The following ATP13A3 variants were observed in gnomAD, a reference collection of about 807,000 sequenced individuals.
ATP13A3 encodes ATPase 13A3.
A neutral mutation model predicts 158.1 loss-of-function variants in ATP13A3; 59 were observed. The observed-to-expected ratio is 0.37, with a 90% confidence interval of 0.30 to 0.46. ATP13A3 has a LOEUF of 0.46. Ranked by LOEUF, ATP13A3 falls within the 20% of genes least tolerant of loss-of-function variation. The pLI, the probability that ATP13A3 is intolerant of heterozygous loss-of-function variation, is 1.00. For missense variants in ATP13A3, 1,166 were observed against 1,525.2 expected, an observed-to-expected ratio of 0.76 and a Z score of 3.92; for synonymous variants, 491 against 504.3, an observed-to-expected ratio of 0.97 and a Z score of 0.35.
intron 15 of ATP13A3, among the ~76,000 whole-genome samples, chr3:194,442,954 C>T (rs1718150422): frequency 6.6e-6 from 1 of 151,752 alleles, no homozygotes; most frequent in Admixed American, 6.6e-5. Context: ...TGTATAGTTA[C>T]ACTACCACCC....
intron 30 of ATP13A3, among the ~76,000 whole-genome samples, chr3:194,422,300 A>G (rs538738726): frequency 2.6e-5 from 4 of 152,348 alleles, no homozygotes; most frequent in African/African-American, 9.6e-5. Flanking sequence ...CTATGCTCTC[A>G]GCTCCTAGAT....
At chr3:194,443,276 T>C (rs571340102) in intron 15 of ATP13A3, among the ~76,000 whole-genome samples, 49 of 150,928 alleles carry the variant, frequency 3.2e-4, no homozygotes, top group African/African-American at 1.1e-3. Flanking sequence ...GGCAGGGGAG[T>C]GGTTAAAAGG....
chr3:194,430,076 T>TAA lies in ATP13A3; in HGVS notation c.2771_2772dup (p.Ile925LeufsTer9). 1 of 1,612,618 alleles carries TAA rather than the reference T, an allele frequency of 6.2e-7. No individual in the cohort carries two copies. Among genetic ancestry groups the TAA allele is most frequent in the Non-Finnish European group, 8.5e-7 (1 of 1,179,192 alleles). On this transcript the variant is annotated frameshift_variant, in exon 26 of 34. Coordinates refer to ENST00000645319, the MANE Select transcript of ATP13A3 (RefSeq NM_001367549.1). LOFTEE classifies it high-confidence loss of function. ...AAAAATTTTAATTTGTACTACCTGA[T>TAA]AAGGTTTGGCACACAGGAAATACTA...
intron 31 of ATP13A3, among the ~76,000 whole-genome samples, chr3:194,417,617 A>G (rs1210045952): frequency 1.3e-5 from 2 of 152,000 alleles, no homozygotes; most frequent in African/African-American, 4.8e-5. Context: ...CAAAATATGG[A>G]GTCCCTAAAA....
chr3:194,459,536 A>T lies in ATP13A3; in HGVS notation c.414T>A (p.Arg138=). The change falls in exon 6 of 34, where the codon CGT becomes CGA. Residue 138 remains arginine (R), a synonymous_variant. Coordinates refer to ENST00000645319, the MANE Select transcript of ATP13A3 (RefSeq NM_001367549.1). ...KYSQTESQQI[R]YFTHHSVKYF... Reference sequence around the variant, plus strand: ...ATTTTACACTATGGTGGGTGAAATAACGAATCTGTGGAACACAAATAAACG... The same window carrying T: ...ATTTTACACTATGGTGGGTGAAATATCGAATCTGTGGAACACAAATAAACG... 1 of 1,603,708 alleles carries T rather than the reference A, an allele frequency of 6.2e-7. No individual in the cohort carries two copies. The highest frequency in any genetic ancestry group is 1.3e-5 in the African/African-American group (1 of 74,724).
chr3:194,486,228 C>T (rs1425920134), intron 1 of ATP13A3, among the ~76,000 whole-genome samples: 1 of 151,674 alleles, frequency 6.6e-6, no homozygotes, highest in Non-Finnish European at 1.5e-5. Flanking sequence ...TAGGGTCCCG[C>T]ACAGACTCAT....
At chr3:194,410,935 G>GGGGTGTGT (rs1715367524) in intron 33 of ATP13A3, among the ~76,000 whole-genome samples, 1 of 121,308 alleles carries the variant, frequency 8.2e-6, no homozygotes, top group Non-Finnish European at 1.7e-5. Context: ...TTGGGGTGTT[G>GGGGTGTGT]GGGTGTGTGT....
At chr3:194,465,238 A>G (rs1276746726) in intron 2 of ATP13A3, among the ~76,000 whole-genome samples, 1 of 152,222 alleles carries the variant, frequency 6.6e-6, no homozygotes, top group East Asian at 1.9e-4. Context: ...CAGGGAACTC[A>G]GAGGGAGCCC....
chr3:194,423,883 T>G (rs532316923), intron 30 of ATP13A3, among the ~76,000 whole-genome samples: 80 of 149,148 alleles, frequency 5.4e-4, no homozygotes, highest in African/African-American at 1.9e-3. Flanking sequence ...TAAAATTAAC[T>G]TTCTTGATAG....
At chr3:194,492,006 A>G (rs1374368988) in intron 2 of ATP13A3, among the ~76,000 whole-genome samples, 1 of 152,054 alleles carries the variant, frequency 6.6e-6, no homozygotes, top group African/African-American at 2.4e-5. Flanking sequence ...AGTTTATGTG[A>G]CTTCAAGCAG....
At chr3:194,438,362 T>C (rs1464277397) in intron 17 of ATP13A3, among the ~76,000 whole-genome samples, 1 of 152,200 alleles carries the variant, frequency 6.6e-6, no homozygotes, top group African/African-American at 2.4e-5. Context: ...AAGGGGAATA[T>C]ATTTAAAAAT....
chr3:194,409,926 T>C (rs1411964316), intron 33 of ATP13A3, among the ~76,000 whole-genome samples: 2 of 151,830 alleles, frequency 1.3e-5, no homozygotes, highest in African/African-American at 4.8e-5. Flanking sequence ...AGAATGAAAG[T>C]ATGTCACTTT....
chr3:194,413,702 A>G, intron 32 of ATP13A3, 57 bp downstream of exon 32: 1 of 1,452,248 alleles, frequency 6.9e-7, no homozygotes, highest in African/African-American at 1.4e-5. Flanking sequence ...ATTTACCATT[A>G]AATCACCCAA....
chr3:194,486,074 G>A (rs985923965), intron 1 of ATP13A3, among the ~76,000 whole-genome samples: 3 of 152,176 alleles, frequency 2.0e-5, no homozygotes, highest in Non-Finnish European at 4.4e-5. Context: ...AGGGCCCTGG[G>A]TTTTTCTAGT....
At chr3:194,460,149 G>A (rs1006345158) in intron 4 of ATP13A3, among the ~76,000 whole-genome samples, 178 bp from the exon 5 acceptor site, 2 of 152,090 alleles carry the variant, frequency 1.3e-5, no homozygotes, top group East Asian at 3.8e-4. Context: ...AACATAAGGT[G>A]CTTTCCATTG....
chr3:194,463,361 C>T (rs531964589), intron 2 of ATP13A3, among the ~76,000 whole-genome samples: 15 of 147,946 alleles, frequency 1.0e-4, no homozygotes, highest in Admixed American at 2.7e-4. Flanking sequence ...AGATGTAAAA[C>T]GATGCCAGTT....
At position 194,493,135 on chromosome 3, in the gene ATP13A3, TAAA is replaced by T. The variant is rs376023000; in HGVS notation, n.746+912_746+914del. 3.0e-5 allele frequency among the ~76,000 whole-genome samples: 4 copies of T among 131,650 alleles called. 1 individual carries two copies. The highest frequency in any genetic ancestry group is 1.6e-5 in the Non-Finnish European group (1 of 60,826). The allele number at this position is 131,650 out of a possible 152,430, so 86.4% of individuals were successfully genotyped here. A position where few individuals can be genotyped will look rare whatever the true frequency, so the allele number is the denominator to read the frequency against. ...GGCAACATAGTGAGATCTCAGCTCTTAAAAAAAAAAAAAAAAATCCCCCATCCC... is the reference window on the plus strand; with the variant it reads ...GGCAACATAGTGAGATCTCAGCTCTTAAAAAAAAAAAAAATCCCCCATCCC... On this transcript the variant is annotated intron_variant and non_coding_transcript_variant, in intron 2 of 32. Coordinates refer to the ATP13A3 transcript ENST00000687055.
At chr3:194,475,941 G>A (rs1720505831) in intron 2 of ATP13A3, among the ~76,000 whole-genome samples, 2 of 152,052 alleles carry the variant, frequency 1.3e-5, no homozygotes, top group Non-Finnish European at 2.9e-5. Flanking sequence ...TCAAGCATGG[G>A]GTGACTTTAC....
chr3:194,482,959 T>C (rs1019619985), intron 2 of ATP13A3, among the ~76,000 whole-genome samples: 2 of 151,882 alleles, frequency 1.3e-5, no homozygotes, highest in African/African-American at 4.8e-5. Flanking sequence ...TACAAAAAAT[T>C]AGCCAGGCAT....
Sources: allele counts gnomAD v4.1 joint callset (sites outside exome capture counted in the v4.1 genomes callset), GRCh38; gene constraint gnomAD v4.1.1; transcripts MANE v1.5; gene names NCBI Gene and HGNC (gene_info 2026-07-23, HGNC 2026-07-21).